RSPO2: variants seen among roughly 807,000 people sequenced by gnomAD.
RSPO2 encodes R-spondin-2.
A neutral mutation model predicts 30.9 loss-of-function variants in RSPO2; 14 were observed. The ratio of observed to expected loss-of-function variants is 0.45; its 90% CI spans 0.30 to 0.71. The LOEUF (loss-of-function observed/expected upper bound fraction) is 0.71. Among genes scored for constraint, RSPO2 ranks in the 30% least tolerant of loss-of-function variants. The pLI, the probability that RSPO2 is intolerant of heterozygous loss-of-function variation, is 0.08. For synonymous variants in RSPO2, 107 were observed against 96.4 expected (o/e 1.11, Z -0.64); for missense variants, 264 against 301.9 (o/e 0.87, Z 0.93).
Position 107,989,148 on chromosome 8 carries a change from C to T in RSPO2, c.191G>A (p.Arg64Gln), listed in dbSNP as rs182334537. ...RCQQKLFFFL[R>Q]REGMRQYGEC... Reference sequence around the variant, plus strand: ...TCCATACTGGCGCATCCCTTCTCTTCGAAGGAAGAAGAACAACTTCTGTTG... The same window carrying T: ...TCCATACTGGCGCATCCCTTCTCTTTGAAGGAAGAAGAACAACTTCTGTTG... Residue 64 changes from arginine (R) to glutamine (Q), a missense_variant, in exon 3 of 6, where the codon CGA (arginine) becomes CAA (glutamine). Coordinates refer to ENST00000276659, the MANE Select transcript of RSPO2 (RefSeq NM_178565.5). The T allele has an allele frequency of 5.5e-5, 88 of 1,612,184 alleles. No individual in the cohort carries two copies. Among genetic ancestry groups the T allele is most frequent in the Admixed American group, 2.7e-4 (16 of 59,508 alleles).
In RSPO2 at chr8:108,014,061, C is replaced by T. The variant is rs560119844; in HGVS notation, c.95-24817G>A. On this transcript the variant is annotated intron_variant, in intron 2 of 5. Transcript: ENST00000276659. ...AGGAACAGACATTCTCAAAAGAAGA[C>T]ATTTATGCAGCCAAGAAACATATGA... is the stretch of plus-strand genomic sequence containing the variant. Among the ~76,000 whole-genome samples, 32 of 152,262 alleles carry T rather than the reference C, an allele frequency of 2.1e-4. 2 individuals carry two copies. Among genetic ancestry groups the T allele is most frequent in the Middle Eastern group, 6.8e-3 (2 of 294 alleles).
At chr8:108,026,441 T>C (rs1296064573) in intron 2 of RSPO2, among the ~76,000 whole-genome samples, 1 of 152,204 alleles carries the variant, frequency 6.6e-6, no homozygotes, top group Non-Finnish European at 1.5e-5. Context: ...TTTTAATAAA[T>C]TCATTGCGAT....
intron 5 of RSPO2, among the ~76,000 whole-genome samples, chr8:107,938,069 G>A (rs1384914879): frequency 6.6e-6 from 1 of 152,054 alleles, no homozygotes; most frequent in African/African-American, 2.4e-5. Flanking sequence ...AAAACTTAGT[G>A]ACATTAGAGT....
chr8:108,062,695 C>T (rs1812511164), intron 2 of RSPO2, among the ~76,000 whole-genome samples: 1 of 151,826 alleles, frequency 6.6e-6, no homozygotes, highest in South Asian at 2.1e-4. Flanking sequence ...AGGCCAGAAT[C>T]ATCCTGATAT....
At chr8:108,013,817 A>G (rs1810783669) in intron 2 of RSPO2, among the ~76,000 whole-genome samples, 1 of 152,240 alleles carries the variant, frequency 6.6e-6, no homozygotes, top group African/African-American at 2.4e-5. Flanking sequence ...TAAAACACCA[A>G]AAACAACGGC....
intron 2 of RSPO2, among the ~76,000 whole-genome samples, chr8:108,072,859 C>T (rs901613296): frequency 6.6e-6 from 1 of 152,062 alleles, no homozygotes; most frequent in Admixed American, 6.6e-5. Flanking sequence ...TTAAAGAATT[C>T]GAAAAACAAT....
intron 5 of RSPO2, among the ~76,000 whole-genome samples, chr8:107,925,076 A>G (rs562172046): frequency 1.3e-5 from 2 of 152,190 alleles, no homozygotes; most frequent in East Asian, 3.9e-4. Flanking sequence ...CTTGAGTTAT[A>G]AAGTTATCTT....
rs1811377229 is a variant in RSPO2, at chr8:107,899,630, A to G, written c.*1445T>C. ...AGGTAGTTTTGCCAATGCAAGGTGA[A>G]AAAAAAAAGGCTTTACCTTGCTTTG... On this transcript the variant is annotated 3_prime_UTR_variant, in exon 6 of 6. Transcript: ENST00000276659. 6.6e-6 allele frequency: 1 copy of G among 151,606 alleles called. No homozygotes were observed. The highest frequency in any genetic ancestry group is 2.1e-4 in the South Asian group (1 of 4,812). 9.4% of individuals were successfully genotyped at this position (151,606 alleles called of 1,614,324 possible).
At chr8:108,070,027 A>G (rs1812789984) in intron 2 of RSPO2, among the ~76,000 whole-genome samples, 1 of 152,234 alleles carries the variant, frequency 6.6e-6, no homozygotes, top group African/African-American at 2.4e-5. Flanking sequence ...TTATAATGAA[A>G]CATCCTACAA....
chr8:107,937,114 G>A (rs192628620), intron 5 of RSPO2, among the ~76,000 whole-genome samples: 3 of 145,300 alleles, frequency 2.1e-5, no homozygotes, highest in Non-Finnish European at 4.5e-5. Context: ...TAGTTTTATG[G>A]TTTCAGGCCT....
chr8:108,071,265 T>A lies in RSPO2; in HGVS notation c.94+11280A>T, dbSNP rs79934468. Among the ~76,000 whole-genome samples the A allele has an allele frequency of 7.7e-4, 117 of 152,310 alleles. 6 individuals carry two copies. In the East Asian group the frequency reaches 0.022, roughly 29 times the overall value. ...AGCTCTAGATCAATTTTCAGGGTAA[T>A]ATTATTTAAATGAGGGGAAAAAAGA... is the stretch of plus-strand genomic sequence containing the variant. On this transcript the variant is annotated intron_variant, in intron 2 of 5. Coordinates refer to ENST00000276659, the MANE Select transcript of RSPO2 (RefSeq NM_178565.5).
intron 5 of RSPO2, among the ~76,000 whole-genome samples, chr8:107,948,714 G>C (rs907528884): frequency 6.6e-6 from 1 of 151,918 alleles, no homozygotes; most frequent in African/African-American, 2.4e-5. Context: ...AAAAAAATTA[G>C]CTGGGCGTGG....
intron 2 of RSPO2, among the ~76,000 whole-genome samples, chr8:108,054,485 C>T (rs1752601035): frequency 6.6e-6 from 1 of 152,064 alleles, no homozygotes; most frequent in South Asian, 2.1e-4. Context: ...TCACTTCCAC[C>T]CACATTCCAT....
intron 2 of RSPO2, among the ~76,000 whole-genome samples, chr8:108,031,280 T>C (rs1277826185): frequency 6.6e-6 from 1 of 152,160 alleles, no homozygotes; most frequent in African/African-American, 2.4e-5. Flanking sequence ...CTCTAATGGA[T>C]CACCATTACA....
chr8:107,906,937 T>C (rs1437190426), intron 5 of RSPO2, among the ~76,000 whole-genome samples: 1 of 151,928 alleles, frequency 6.6e-6, no homozygotes, highest in East Asian at 1.9e-4. Context: ...AATCTACTCT[T>C]TGCAATTTTC....
At chr8:107,983,245 G>A in intron 3 of RSPO2, 3 of 1,584,024 alleles carry the variant, frequency 1.9e-6, no homozygotes, top group Non-Finnish European at 2.6e-6. Context: ...TCTTTCTGAA[G>A]CTATGAAGCT....
At chr8:107,978,511 C>T (rs1814296531) in intron 3 of RSPO2, among the ~76,000 whole-genome samples, 1 of 152,084 alleles carries the variant, frequency 6.6e-6, no homozygotes, top group Non-Finnish European at 1.5e-5. Flanking sequence ...CTTCCTTACA[C>T]CTTATACAAA....
chr8:107,940,618 G>A (rs1009663303), intron 5 of RSPO2, among the ~76,000 whole-genome samples: 4 of 152,148 alleles, frequency 2.6e-5, no homozygotes, highest in Non-Finnish European at 5.9e-5. Context: ...CTTGGCCCAA[G>A]GCCATTTAGC....
intron 2 of RSPO2, among the ~76,000 whole-genome samples, chr8:108,010,231 G>A (rs1048670222): frequency 6.6e-6 from 1 of 152,120 alleles, no homozygotes; most frequent in Admixed American, 6.6e-5. Flanking sequence ...CAGCAGAGTG[G>A]GGAGAGAAGA....
Sources: gnomAD v4.1 joint callset for allele counts (sites outside exome capture counted in the v4.1 genomes callset) on GRCh38, gnomAD v4.1.1 for gene constraint, MANE v1.5 for transcripts, NCBI Gene and HGNC (gene_info 2026-07-23, HGNC 2026-07-21) for gene names.